The following DET1 variants were observed in gnomAD, a reference collection of about 807,000 sequenced individuals.
DET1 encodes the protein DET1 homolog.
In DET1, 22 loss-of-function variants were observed where a neutral mutation model predicts 43.7. The observed-to-expected ratio is 0.50, with a 90% confidence interval of 0.36 to 0.72. The LOEUF (loss-of-function observed/expected upper bound fraction) is 0.72, where lower values mean the gene tolerates loss of function less well. Ranked by LOEUF, DET1 falls within the 30% of genes least tolerant of loss-of-function variation. DET1 has a pLI of 0.00. For synonymous variants in DET1, 315 were observed against 266.2 expected (o/e 1.18, Z -1.79); for missense variants, 713 against 713.3 (o/e 1.00, Z 0.00).
chr15:88,514,043 C>A (rs1230097486), intron 4 of DET1, among the ~76,000 whole-genome samples: 2 of 149,836 alleles, frequency 1.3e-5, no homozygotes, highest in African/African-American at 5.1e-5. Context: ...TCGTGATCCG[C>A]CCGCCTCGGC....
intron 3 of DET1, among the ~76,000 whole-genome samples, chr15:88,520,273 C>G (rs756295899): frequency 5.3e-5 from 8 of 152,252 alleles, no homozygotes; most frequent in Non-Finnish European, 1.0e-4. Flanking sequence ...TTTCAGCTCC[C>G]ATTGTAATAA....
chr15:88,511,963 G>A (rs1306569539), downstream of DET1, among the ~76,000 whole-genome samples: 1 of 152,116 alleles, frequency 6.6e-6, no homozygotes, highest in Non-Finnish European at 1.5e-5. Flanking sequence ...CACTACTGGC[G>A]GATACATTAT....
At chr15:88,503,993 T>TCAA (rs74776308) in intron 7 of DET1, 14,142 of 149,502 alleles carry the variant, frequency 0.095, 1,260 homozygotes, top group East Asian at 0.51. Flanking sequence ...AGACCCTGTC[T>TCAA]TAAAAAAAAA....
Position 88,504,906 on chromosome 15 carries a change from C to T in DET1, c.*2066-919G>A, listed in dbSNP as rs1421027530. On this transcript the variant is annotated intron_variant and NMD_transcript_variant, in intron 7 of 8. Coordinates refer to the DET1 transcript ENST00000557842. This position sits in a 1 kb window ranked among gnomAD's most constrained non-coding sequence, Gnocchi z 4.7. ...TACCCATGGCCCTGCATGCATACCACGCCTTCAATTTCTAGGGACCTATGC... is the reference window on the plus strand; with the variant it reads ...TACCCATGGCCCTGCATGCATACCATGCCTTCAATTTCTAGGGACCTATGC... 6.6e-5 allele frequency: 10 copies of T among 152,358 alleles called. No homozygotes were observed. The highest frequency in any genetic ancestry group is 1.7e-4 in the African/African-American group (7 of 41,574). 9.4% of individuals were successfully genotyped at this position (152,358 alleles called of 1,614,324 possible). A position where few individuals can be genotyped will look rare whatever the true frequency, so the allele number is the denominator to read the frequency against.
chr15:88,528,136 TCCAAGTGTTTATTCCCTA>T (rs2056716524), intron 2 of DET1, among the ~76,000 whole-genome samples: 1 of 152,250 alleles, frequency 6.6e-6, no homozygotes, highest in African/African-American at 2.4e-5. Flanking sequence ...TATTTTTCCT[TCCAAGTGTTTATTCCCTA>T]CTCGCTCCCC....
chr15:88,530,784 C>G lies in DET1; in HGVS notation c.922G>C (p.Glu308Gln). The change falls in exon 2 of 5, where the codon GAA (glutamate) becomes CAA (glutamine). Residue 308 changes from glutamate to glutamine, a missense_variant. Transcript: ENST00000268148. The part of the protein sequence containing the change: ...RLLVYLWRRA[E>Q]QDGSAMAKRR... ...TTGGCCATTGCACTACCATCCTGTTCTGCCCGGCGCCACAAATATACCAGC... is the reference window on the plus strand; with the variant it reads ...TTGGCCATTGCACTACCATCCTGTTGTGCCCGGCGCCACAAATATACCAGC... The G allele has an allele frequency of 6.2e-7, 1 of 1,613,930 alleles. No individual in the cohort carries two copies.
At chr15:88,526,851 G>A (rs1383853537) in intron 3 of DET1, among the ~76,000 whole-genome samples, 1 of 152,224 alleles carries the variant, frequency 6.6e-6, no homozygotes, top group Non-Finnish European at 1.5e-5. Context: ...AAGGGATCTA[G>A]AGGGTCTGAC....
chr15:88,542,137 G>A (rs1391356836), intron 1 of DET1, among the ~76,000 whole-genome samples: 1 of 152,160 alleles, frequency 6.6e-6, no homozygotes, highest in Non-Finnish European at 1.5e-5. Context: ...ACCCACCTAG[G>A]ATGACAGCCA....
In DET1 at chr15:88,512,803, T is replaced by C; in HGVS notation, c.*148A>G. The stretch of plus-strand genomic sequence containing the variant: ...AAAATTCCATTAGGTTGAGCCACCC[T>C]CACTCCTCTCTCTGGCTCTCTCCCA... On this transcript the variant is annotated 3_prime_UTR_variant, in exon 5 of 5. Coordinates refer to ENST00000268148, the MANE Select transcript of DET1 (RefSeq NM_001144074.3). 1 of 1,417,204 alleles carries C rather than the reference T, an allele frequency of 7.1e-7. No homozygotes were observed. The highest frequency in any genetic ancestry group is 9.2e-7 in the Non-Finnish European group (1 of 1,085,634). 87.8% of individuals were successfully genotyped at this position (1,417,204 alleles called of 1,614,324 possible). A position where few individuals can be genotyped will look rare whatever the true frequency, so the allele number is the denominator to read the frequency against.
intron 1 of DET1, among the ~76,000 whole-genome samples, chr15:88,544,511 G>A (rs1376873122): frequency 6.6e-6 from 1 of 152,138 alleles, no homozygotes; most frequent in East Asian, 1.9e-4. Context: ...CTTGTTCAAG[G>A]AAACCATCCC....
At chr15:88,512,190 C>T (rs1036170502), downstream of DET1, among the ~76,000 whole-genome samples, 1 of 152,216 alleles carries the variant, frequency 6.6e-6, no homozygotes, top group Non-Finnish European at 1.5e-5. Flanking sequence ...GAGAGCTGCT[C>T]ACTCTTCCAC....
intron 3 of DET1, among the ~76,000 whole-genome samples, chr15:88,521,790 TG>T (rs1054997104): frequency 1.4e-4 from 22 of 152,224 alleles, no homozygotes; most frequent in African/African-American, 5.3e-4. Flanking sequence ...ACATGTGAAA[TG>T]TATGTTCTTT....
At position 88,531,955 on chromosome 15, in the gene DET1, G is replaced by T. The variant is rs1347357773; in HGVS notation, c.-10-240C>A. ...TAGGAATACCTTCCAAGTATGCTCA[G>T]CTGTTGGGAAAGTTCAACAGAAAAA... On this transcript the variant is annotated intron_variant, in intron 1 of 4. Transcript: ENST00000268148. The surrounding 1 kb of genome is among the most constrained non-coding windows in gnomAD (Gnocchi z 6.2). 2 of 470,990 alleles carry T rather than the reference G, an allele frequency of 4.2e-6. No individual in the cohort carries two copies. Among genetic ancestry groups the T allele is most frequent in the Non-Finnish European group, 7.5e-6 (2 of 267,630 alleles). The allele number at this position is 470,990 out of a possible 1,614,324, so 29.2% of individuals were successfully genotyped here.
chr15:88,513,448 T>C (rs1200872634), intron 4 of DET1, among the ~76,000 whole-genome samples: 2 of 152,130 alleles, frequency 1.3e-5, no homozygotes, highest in African/African-American at 4.8e-5. Flanking sequence ...TGCCTCAAGG[T>C]TGTCTAGGCC....
chr15:88,515,010 C>T (rs147969592), intron 4 of DET1, among the ~76,000 whole-genome samples: 47 of 152,104 alleles, frequency 3.1e-4, no homozygotes, highest in South Asian at 4.2e-4. Flanking sequence ...AAACACATAG[C>T]CTTACTCCCA....
downstream of DET1, among the ~76,000 whole-genome samples, chr15:88,511,877 C>G (rs1475058105): frequency 6.6e-6 from 1 of 152,194 alleles, no homozygotes; most frequent in African/African-American, 2.4e-5. Context: ...CATCCATGGC[C>G]CCTTTCACAG....
intron 4 of DET1, among the ~76,000 whole-genome samples, chr15:88,513,401 C>T (rs761895254): frequency 1.2e-4 from 19 of 152,156 alleles, no homozygotes; most frequent in Admixed American, 6.5e-5. Context: ...CTCAGTTTTA[C>T]AGCCTTAATT....
intron 4 of DET1, among the ~76,000 whole-genome samples, chr15:88,515,748 G>A (rs1437721557): frequency 1.3e-5 from 2 of 151,746 alleles, no homozygotes; most frequent in Non-Finnish European, 2.9e-5. Context: ...TGTTTTGCTA[G>A]GATAGCTTGG....
chr15:88,530,281 G>A (rs7402553), intron 2 of DET1, among the ~76,000 whole-genome samples: 104,448 of 152,080 alleles, frequency 0.69, 36,052 homozygotes, highest in South Asian at 0.78. Context: ...CAATAATACA[G>A]TCTTACAAAA....
Sources: gnomAD v4.1 joint callset for allele counts (sites outside exome capture counted in the v4.1 genomes callset) on GRCh38, gnomAD v4.1.1 for gene constraint, Gnocchi (gnomAD v3.1) non-coding constraint, MANE v1.5 for transcripts, NCBI Gene and HGNC (gene_info 2026-07-23, HGNC 2026-07-21) for gene names.